ZNF638: variants seen among roughly 807,000 people sequenced by gnomAD.
ZNF638 encodes zinc finger protein 638.
A neutral mutation model predicts 195.6 loss-of-function variants in ZNF638; 46 were observed. The observed-to-expected ratio is 0.24, with a 90% confidence interval of 0.19 to 0.30. The LOEUF is 0.30. Among genes scored for constraint, ZNF638 ranks in the 10% least tolerant of loss-of-function variants. The pLI is 1.00. For missense variants in ZNF638, 2,440 were observed against 2,325.3 expected (o/e 1.05, Z -1.01); for synonymous variants, 845 against 772.0 (o/e 1.09, Z -1.57).
At chr2:71,331,942 G>A (rs1558820943) in intron 1 of ZNF638, 67 bp downstream of exon 1, 12 of 985,462 alleles carry the variant, frequency 1.2e-5, no homozygotes, top group Non-Finnish European at 1.4e-5. Context: ...GGGGTCCTGA[G>A]CCCTTCCTGT....
intron 6 of ZNF638, among the ~76,000 whole-genome samples, chr2:71,367,066 T>TAA (rs1328120230): frequency 1.3e-5 from 2 of 152,128 alleles, no homozygotes. Context: ...CCAAAGAACT[T>TAA]ACATTTAGAA....
intron 21 of ZNF638, among the ~76,000 whole-genome samples, 160 bp downstream of exon 21, chr2:71,418,799 C>T (rs2080359036): frequency 6.6e-6 from 1 of 152,054 alleles, no homozygotes; most frequent in Non-Finnish European, 1.5e-5. Flanking sequence ...TTGGACTCAG[C>T]CTGACCTAGG....
At chr2:71,393,484 C>T in intron 10 of ZNF638, 1 of 717,802 alleles carries the variant, frequency 1.4e-6, no homozygotes, top group South Asian at 1.5e-5. Context: ...AATGATCCTG[C>T]AGGACCCGCA....
chr2:71,350,903 T>C lies in ZNF638; in HGVS notation c.1317+632T>C, dbSNP rs1269162044. Among the ~76,000 whole-genome samples, 6 of 152,196 alleles carry C rather than the reference T, an allele frequency of 3.9e-5. No homozygotes were observed. In the South Asian group the frequency reaches 8.3e-4, roughly 21 times the overall value. The stretch of plus-strand genomic sequence containing the variant: ...TGATAGAAATTTGTAGAGAAAAATC[T>C]TTAAAAAATAAAGATGATTTAGGTA... On this transcript the variant is annotated intron_variant, in intron 2 of 27. Coordinates refer to ENST00000264447, the MANE Select transcript of ZNF638 (RefSeq NM_014497.5).
chr2:71,343,397 A>C (rs2078797262), intron 1 of ZNF638, among the ~76,000 whole-genome samples: 1 of 152,134 alleles, frequency 6.6e-6, no homozygotes, highest in African/African-American at 2.4e-5. Flanking sequence ...TCCTCACCCC[A>C]CCCCACAGTG....
intron 10 of ZNF638, among the ~76,000 whole-genome samples, chr2:71,390,594 AG>A (rs372975998): frequency 4.6e-5 from 7 of 152,332 alleles, no homozygotes; most frequent in African/African-American, 1.7e-4. Flanking sequence ...CCCAATGCCC[AG>A]GGAAAGAGGA....
At chr2:71,433,103 CGAT>C in intron 26 of ZNF638, 59 bp from the exon 27 acceptor site, 1 of 1,260,446 alleles carries the variant, frequency 7.9e-7, no homozygotes, top group Admixed American at 1.8e-5. Context: ...ATGAATAAAT[CGAT>C]GAACACAACT....
chr2:71,389,557 C>A (rs1414254220), intron 10 of ZNF638, among the ~76,000 whole-genome samples: 4 of 152,086 alleles, frequency 2.6e-5, no homozygotes, highest in African/African-American at 9.7e-5. Context: ...ATTGGCCGGG[C>A]AAAACATAAC....
intron 3 of ZNF638, among the ~76,000 whole-genome samples, chr2:71,356,185 T>C (rs1306524668): frequency 6.6e-6 from 1 of 152,214 alleles, no homozygotes. Flanking sequence ...TTCTCTGACT[T>C]AGAACCAGTT....
At chr2:71,422,530 C>T (rs1558882905) in intron 21 of ZNF638, among the ~76,000 whole-genome samples, 3 of 152,126 alleles carry the variant, frequency 2.0e-5, no homozygotes, top group African/African-American at 7.2e-5. Context: ...CTTTCAATGT[C>T]AGGGGTTAAC....
At position 71,338,646 on chromosome 2, in the gene ZNF638, C is replaced by T. The variant is rs372067421; in HGVS notation, c.-203+6771C>T. 2.2e-4 allele frequency among the ~76,000 whole-genome samples: 34 copies of T among 152,168 alleles called. No individual in the cohort carries two copies. The South Asian group carries it at 6.8e-3, about 31-fold the overall frequency. ...TCCATCAAAACTGAGGTACATAAAT[C>T]GTTTTTTATTTATTTATTTTCCTGG... On this transcript the variant is annotated intron_variant, in intron 1 of 27. Coordinates refer to ENST00000264447, the MANE Select transcript of ZNF638 (RefSeq NM_014497.5).
intron 10 of ZNF638, among the ~76,000 whole-genome samples, chr2:71,384,688 A>G (rs1394322620): frequency 6.6e-6 from 1 of 151,958 alleles, no homozygotes; most frequent in Non-Finnish European, 1.5e-5. Context: ...TGATCGAATG[A>G]TTTTTTTCTC....
At chr2:71,376,235 C>A (rs2079421148) in intron 8 of ZNF638, 1 of 152,200 alleles carries the variant, frequency 6.6e-6, no homozygotes, top group Non-Finnish European at 1.5e-5. Flanking sequence ...TATTAATGTT[C>A]TTCAGCTAAA....
chr2:71,411,912 T>C (rs2080236478), intron 20 of ZNF638, among the ~76,000 whole-genome samples: 1 of 60,684 alleles, frequency 1.6e-5, no homozygotes, highest in African/African-American at 7.0e-5. Context: ...TCTTTGCTAT[T>C]GTGAATAGTG....
At chr2:71,392,348 A>G (rs1465773759) in intron 10 of ZNF638, among the ~76,000 whole-genome samples, 1 of 152,214 alleles carries the variant, frequency 6.6e-6, no homozygotes, top group Non-Finnish European at 1.5e-5. Context: ...GGTGGAAACC[A>G]CATAATTCCC....
chr2:71,335,266 C>T (rs1036467559), intron 1 of ZNF638, among the ~76,000 whole-genome samples: 5 of 152,242 alleles, frequency 3.3e-5, no homozygotes, highest in African/African-American at 9.6e-5. Context: ...GTCTCAAACT[C>T]CTGGACTCAA....
intron 21 of ZNF638, among the ~76,000 whole-genome samples, chr2:71,420,905 T>A (rs1307092280): frequency 6.6e-6 from 1 of 152,234 alleles, no homozygotes; most frequent in Non-Finnish European, 1.5e-5. Context: ...AGGACAAATA[T>A]GGAATTAAAT....
chr2:71,396,280 A>G (rs1363843374), intron 11 of ZNF638, 89 bp downstream of exon 11: 2 of 1,061,372 alleles, frequency 1.9e-6, no homozygotes, highest in Admixed American at 2.2e-5. Context: ...TGGATTTCAC[A>G]TGACATAGTC....
At chr2:71,350,447 G>T (rs543485139) in intron 2 of ZNF638, among the ~76,000 whole-genome samples, 176 bp downstream of exon 2, 1 of 152,122 alleles carries the variant, frequency 6.6e-6, no homozygotes, top group African/African-American at 2.4e-5. Context: ...GTACTGAATT[G>T]AATTTTAGGC....
Sources: gnomAD v4.1 joint callset for allele counts (sites outside exome capture counted in the v4.1 genomes callset) on GRCh38, gnomAD v4.1.1 for gene constraint, MANE v1.5 for transcripts, NCBI Gene and HGNC (gene_info 2026-07-23, HGNC 2026-07-21) for gene names.